Variants in PCDHGA7 observed in about 807,000 individuals in gnomAD.
PCDHGA7 encodes the protein protocadherin gamma-A7.
PCDHGA7 carries 44 observed loss-of-function variants against 58.3 expected under a neutral mutation model. The observed-to-expected ratio is 0.75, with a 90% CI of 0.59 to 0.97. The LOEUF (loss-of-function observed/expected upper bound fraction) is 0.97. Among genes scored for constraint, PCDHGA7 ranks in the 50% least tolerant of loss-of-function variants. The pLI is 0.00. For synonymous variants in PCDHGA7, 516 were observed against 504.2 expected, an observed-to-expected ratio of 1.02 and a Z score of -0.31; for missense variants, 1,266 against 1,188.7, an observed-to-expected ratio of 1.06 and a Z score of -0.96.
At position 141,482,089 on chromosome 5, in the gene PCDHGA7, CAAA is replaced by C. The variant is rs36035257; in HGVS notation, c.2425-12704_2425-12702del. 2.7e-4 allele frequency among the ~76,000 whole-genome samples: 36 copies of C among 134,496 alleles called. No individual in the cohort carries two copies. The East Asian group carries it at 3.5e-3, about 13-fold the overall frequency. The allele number at this position is 134,496 out of a possible 152,430, so 88.2% of individuals were successfully genotyped here. On this transcript the variant is annotated intron_variant, in intron 1 of 3. Coordinates refer to ENST00000518325, the MANE Select transcript of PCDHGA7 (RefSeq NM_018920.4). ...AACAAGAACAAAACTCACTCCATCTCAAAAAAAAAAAAAAAATATCTAGAGATG... is the reference window on the plus strand; with the variant it reads ...AACAAGAACAAAACTCACTCCATCTCAAAAAAAAAAAAATATCTAGAGATG...
chr5:141,467,874 G>T (rs926647135), intron 1 of PCDHGA7, among the ~76,000 whole-genome samples: 1 of 151,920 alleles, frequency 6.6e-6, no homozygotes, highest in Non-Finnish European at 1.5e-5. Context: ...GCCCAGGCTG[G>T]TCTCAAACTC....
chr5:141,396,922 C>T lies in PCDHGA7; in HGVS notation c.2424+11599C>T, dbSNP rs576253766. Among the ~76,000 whole-genome samples, 68 of 152,290 alleles carry T rather than the reference C, an allele frequency of 4.5e-4. 1 individual carries two copies. The highest frequency in any genetic ancestry group is 1.5e-3 in the African/African-American group (61 of 41,560). ...TTGGCACTTTGCAATTTTAAAAACT[C>T]GGATGAAAGTTGCCCTGGTAGGAAA... On this transcript the variant is annotated intron_variant, in intron 1 of 3. Transcript: ENST00000518325.
chr5:141,414,849 C>G (rs10038103), intron 1 of PCDHGA7: 1 of 1,614,134 alleles, frequency 6.2e-7, no homozygotes, highest in African/African-American at 1.3e-5. Flanking sequence ...TTGTGCTGGA[C>G]CAGAACGACA....
intron 1 of PCDHGA7, chr5:141,440,759 C>T (rs1160288117): frequency 1.3e-5 from 2 of 152,158 alleles, no homozygotes; most frequent in Admixed American, 6.6e-5. Flanking sequence ...AAGCAGAGCT[C>T]CCATCCCTTA....
chr5:141,507,202 C>G (rs2099859138), intron 3 of PCDHGA7: 1 of 152,356 alleles, frequency 6.6e-6, no homozygotes, highest in Non-Finnish European at 1.5e-5. Flanking sequence ...TCTTCCAGAT[C>G]AGGGTTGCCA....
At chr5:141,469,948 T>C (rs1258593339) in intron 1 of PCDHGA7, among the ~76,000 whole-genome samples, 2 of 152,110 alleles carry the variant, frequency 1.3e-5, no homozygotes, top group Admixed American at 1.3e-4. Flanking sequence ...CTGGCCAGCA[T>C]GGTGAAACCC....
At chr5:141,484,061 G>A (rs570687480) in intron 1 of PCDHGA7, among the ~76,000 whole-genome samples, 8 of 152,124 alleles carry the variant, frequency 5.3e-5, no homozygotes, top group Non-Finnish European at 1.0e-4. Context: ...CTGGGGCTAA[G>A]TGAAAAGCTT....
chr5:141,423,053 T>C lies in PCDHGA7; in HGVS notation c.2424+37730T>C, dbSNP rs200154593. 1.4e-4 allele frequency: 219 copies of C among 1,614,170 alleles called. 1 individual carries two copies. The African/African-American group carries it at 2.5e-3, about 18-fold the overall frequency. ...CAGAACGCCTGGCTGTCCTATCGCCTGCTTAAGGCCAGCGAGCCGGGACTC... is the reference window on the plus strand; with the variant it reads ...CAGAACGCCTGGCTGTCCTATCGCCCGCTTAAGGCCAGCGAGCCGGGACTC... On this transcript the variant is annotated intron_variant, in intron 1 of 3. Coordinates refer to ENST00000518325, the MANE Select transcript of PCDHGA7 (RefSeq NM_018920.4).
intron 1 of PCDHGA7, chr5:141,403,867 A>C (rs755401788): frequency 1.1e-5 from 17 of 1,613,606 alleles, no homozygotes; most frequent in Admixed American, 3.3e-5. Flanking sequence ...CAACAGCAAA[A>C]AGTCTAGATT....
At chr5:141,470,872 TTTTTTGTTTTTG>T (rs900302332) in intron 1 of PCDHGA7, among the ~76,000 whole-genome samples, 1 of 151,814 alleles carries the variant, frequency 6.6e-6, no homozygotes, top group Non-Finnish European at 1.5e-5. Context: ...GTTTGTTTGT[TTTTTTGTTTTTG>T]TTTTTGTTTT....
intron 1 of PCDHGA7, chr5:141,409,128 T>C (rs755394129): frequency 6.2e-6 from 10 of 1,613,976 alleles, no homozygotes; most frequent in South Asian, 1.1e-5. Flanking sequence ...TCATTTGATT[T>C]TGAAGATGTA....
At chr5:141,393,319 G>A (rs2092728293) in intron 1 of PCDHGA7, 1 of 1,612,192 alleles carries the variant, frequency 6.2e-7, no homozygotes, top group Admixed American at 1.7e-5. Flanking sequence ...TCCCTCCAGA[G>A]CTACCAGCTC....
At chr5:141,436,305 T>C (rs2097810667) in intron 1 of PCDHGA7, among the ~76,000 whole-genome samples, 1 of 152,184 alleles carries the variant, frequency 6.6e-6, no homozygotes. Flanking sequence ...AGTTAGAGCA[T>C]GAATAGTCAA....
chr5:141,492,616 G>C (rs976681246), intron 1 of PCDHGA7, among the ~76,000 whole-genome samples: 2 of 152,252 alleles, frequency 1.3e-5, no homozygotes, highest in African/African-American at 4.8e-5. Context: ...CTAAGTGCCG[G>C]GCGGGCAGGA....
rs756466649 is a variant in PCDHGA7, at chr5:141,495,663, G to A, written c.2483+798G>A. 1.1e-3 allele frequency among the ~76,000 whole-genome samples: 169 copies of A among 152,164 alleles called. 3 individuals are homozygous for A. The highest frequency in any genetic ancestry group is 1.9e-3 in the Admixed American group (29 of 15,272). ...TTGTCTACTTGCATTGATCTGTGCCGCCCACTGTGCCTGCCATGGCATAAG... is the reference window on the plus strand; with the variant it reads ...TTGTCTACTTGCATTGATCTGTGCCACCCACTGTGCCTGCCATGGCATAAG... On this transcript the variant is annotated intron_variant, in intron 2 of 3. Coordinates refer to ENST00000518325, the MANE Select transcript of PCDHGA7 (RefSeq NM_018920.4).
chr5:141,455,502 A>G (rs888549465), intron 1 of PCDHGA7, among the ~76,000 whole-genome samples: 12 of 152,206 alleles, frequency 7.9e-5, no homozygotes, highest in African/African-American at 2.7e-4. Flanking sequence ...TCTGATTTGC[A>G]TAGGGCTCAG....
In PCDHGA7 at chr5:141,384,779, G is replaced by T. The variant is rs1252058358; in HGVS notation, c.1880G>T (p.Arg627Leu). The change falls in exon 1 of 4, where the codon CGC (arginine) becomes CTC (leucine). Residue 627 changes from arginine to leucine, a missense_variant. Physicochemically the swap from Arg to Leu is moderately radical, Grantham distance 102. Coordinates refer to ENST00000518325, the MANE Select transcript of PCDHGA7 (RefSeq NM_018920.4). ...GTTGGGCTGTACACGGGCGAGGTGC[G>T]CACGGCTCGGGCCCTGCTGGACAGA... is the stretch of plus-strand genomic sequence containing the variant. ...FAVGLYTGEV[R>L]TARALLDRDA... 1 of 1,613,592 alleles carries T rather than the reference G, an allele frequency of 6.2e-7. No individual in the cohort carries two copies. The highest frequency in any genetic ancestry group is 8.5e-7 in the Non-Finnish European group (1 of 1,179,960).
chr5:141,431,932 C>T lies in PCDHGA7; in HGVS notation c.2424+46609C>T. 2 of 1,614,172 alleles carry T rather than the reference C, an allele frequency of 1.2e-6. No individual in the cohort carries two copies. The highest frequency in any genetic ancestry group is 1.7e-6 in the Non-Finnish European group (2 of 1,180,002). On this transcript the variant is annotated intron_variant, in intron 1 of 3. Coordinates refer to ENST00000518325, the MANE Select transcript of PCDHGA7 (RefSeq NM_018920.4). This position sits in a 1 kb window ranked among gnomAD's most constrained non-coding sequence, Gnocchi z 4.8. The stretch of plus-strand genomic sequence containing the variant: ...TCTGTTTCATCCAAGGAAATCTGCC[C>T]TTTAAATTAGAAAAATCTTACGGAA...
At position 141,410,538 on chromosome 5, in the gene PCDHGA7, T is replaced by C. The variant is rs373020361; in HGVS notation, c.2424+25215T>C. The C allele has an allele frequency of 5.6e-6, 9 of 1,613,830 alleles. No homozygotes were observed. The South Asian group carries it at 7.7e-5, about 14-fold the overall frequency. On this transcript the variant is annotated intron_variant, in intron 1 of 3. Transcript: ENST00000518325. ...GTGCCCCTACATTCCAATGAAGACA[T>C]GGTTTGCAGTGTTTCTCCTGGAGCC...
Sources: gnomAD v4.1 joint callset for allele counts (sites outside exome capture counted in the v4.1 genomes callset) on GRCh38, gnomAD v4.1.1 for gene constraint, Gnocchi (gnomAD v3.1) non-coding constraint, MANE v1.5 for transcripts, NCBI Gene and HGNC (gene_info 2026-07-23, HGNC 2026-07-21) for gene names.